The following ZNF184 variants were observed in gnomAD, a reference collection of about 807,000 sequenced individuals.
ZNF184 encodes zinc finger protein 184, also known as zinc finger protein 184 (Kruppel-like).
In ZNF184, 16 loss-of-function variants were observed where a neutral mutation model predicts 54.4. That is an observed-to-expected ratio of 0.29 (90% CI 0.20 to 0.45). The LOEUF is 0.45. Among genes scored for constraint, ZNF184 ranks in the 20% least tolerant of loss-of-function variants. ZNF184 has a pLI of 1.00. For synonymous variants in ZNF184, 254 were observed against 295.3 expected (o/e 0.86, Z 1.43); for missense variants, 681 against 888.2 (o/e 0.77, Z 2.97).
chr6:27,423,481 C>A, the ZNF184 span, among the ~76,000 whole-genome samples: 1 of 152,026 alleles, frequency 6.6e-6, no homozygotes, highest in African/African-American at 2.4e-5. Flanking sequence ...AAAGATGAGC[C>A]ACTAGATAAA....
In ZNF184 at chr6:27,451,798, C is replaced by A; in HGVS notation, c.1761G>T (p.Lys587Asn). 1 of 1,613,896 alleles carries A rather than the reference C, an allele frequency of 6.2e-7. No individual in the cohort carries two copies. Among genetic ancestry groups the A allele is most frequent in the African/African-American group, 1.3e-5 (1 of 75,032 alleles). ...TGAATGCTCTCCCACACTCATTACA[C>A]TTGTAAGGTCGTTCTCCAGTATGGA... is the stretch of plus-strand genomic sequence containing the variant. ...RKIHTGERPY[K>N]CNECGRAFNQ... The change falls in exon 6 of 6, where the codon AAG (lysine) becomes AAT (asparagine). Residue 587 changes from lysine (K) to asparagine (N), a missense_variant. Lys to Asn is a moderately conservative substitution (Grantham distance 94). Coordinates refer to ENST00000683788, the MANE Select transcript of ZNF184 (RefSeq NM_001318891.2).
At chr6:27,433,052 G>A in the ZNF184 span, among the ~76,000 whole-genome samples, 5 of 152,306 alleles carry the variant, frequency 3.3e-5, no homozygotes, top group South Asian at 1.0e-3. Flanking sequence ...GCCTATAGAT[G>A]ACTTCAACCC....
rs541347400 is a variant in ZNF184, at chr6:27,452,176, A to C, written c.1383T>G (p.Leu461=). Residue 461 remains leucine, a synonymous_variant, in exon 6 of 6, where the codon CTT becomes CTG. Coordinates refer to ENST00000683788, the MANE Select transcript of ZNF184 (RefSeq NM_001318891.2). This position sits in a 1 kb window ranked among gnomAD's most constrained non-coding sequence, Gnocchi z 5.5. ...CAGTATGAATTTTCAGGTGTTGAGCAAGGGATGACCAGTAACTAAAAGATT... is the reference window on the plus strand; with the variant it reads ...CAGTATGAATTTTCAGGTGTTGAGCCAGGGATGACCAGTAACTAAAAGATT... The part of the protein sequence containing the change: ...CGKSFSYWSS[L]AQHLKIHTGE... 1 of 1,614,006 alleles carries C rather than the reference A, an allele frequency of 6.2e-7. No homozygotes were observed. The highest frequency in any genetic ancestry group is 2.2e-5 in the East Asian group (1 of 44,886).
the ZNF184 span, among the ~76,000 whole-genome samples, chr6:27,442,880 A>AAAAGAAAGAAAAGAAAG: frequency 1.2e-5 from 1 of 86,174 alleles, no homozygotes; most frequent in Non-Finnish European, 2.5e-5. Context: ...GAAAGAAAGA[A>AAAAGAAAGAAAAGAAAG]AAAGAAAAAA....
the ZNF184 span, chr6:27,407,645 G>A: frequency 2.8e-4 from 175 of 616,132 alleles, 1 homozygote; most frequent in Middle Eastern, 8.9e-4. Context: ...GTGCCTGCAC[G>A]CCAAACTTGC....
chr6:27,466,215 GTAGA>G (rs1257236582), intron 3 of ZNF184, among the ~76,000 whole-genome samples: 18 of 152,000 alleles, frequency 1.2e-4, no homozygotes, highest in Admixed American at 3.9e-4. Flanking sequence ...GATAGAATAA[GTAGA>G]CAAAGAACAC....
the ZNF184 span, among the ~76,000 whole-genome samples, chr6:27,433,130 T>A: frequency 6.6e-6 from 1 of 152,196 alleles, no homozygotes; most frequent in Non-Finnish European, 1.5e-5. Flanking sequence ...ATGCCCTCTG[T>A]GCCCTGTCCA....
At chr6:27,449,932 G>C (rs1762680979), downstream of ZNF184, among the ~76,000 whole-genome samples, 1 of 152,108 alleles carries the variant, frequency 6.6e-6, no homozygotes, top group Non-Finnish European at 1.5e-5. Flanking sequence ...TCTTAAAATA[G>C]AGGTAAGGAG....
chr6:27,412,199 T>C, the ZNF184 span, among the ~76,000 whole-genome samples: 138 of 152,184 alleles, frequency 9.1e-4, no homozygotes, highest in Middle Eastern at 3.4e-3. Context: ...CTGGCCAGCA[T>C]CTCCTAGGAA....
At chr6:27,412,156 A>T in the ZNF184 span, among the ~76,000 whole-genome samples, 1 of 152,174 alleles carries the variant, frequency 6.6e-6, no homozygotes, top group Non-Finnish European at 1.5e-5. Context: ...AAATAAGATC[A>T]GCCAAGAGCA....
chr6:27,451,647 C>G lies in ZNF184; in HGVS notation c.1912G>C (p.Glu638Gln), dbSNP rs1762724785. The G allele has an allele frequency of 1.2e-6, 2 of 1,614,092 alleles. No individual in the cohort carries two copies. Among genetic ancestry groups the G allele is most frequent in the Admixed American group, 1.7e-5 (1 of 60,010 alleles). ...SLAQHQKTHT[E>Q]EKPYQCNKCE... ...TTATTACACTGGTAGGGTTTTTCTT[C>G]TGTGTGAGTTTTTTGATGTTGAGCA... The change falls in exon 6 of 6, where the codon GAA becomes CAA. Residue 638 changes from glutamate (E) to glutamine (Q), a missense_variant. Coordinates refer to ENST00000683788, the MANE Select transcript of ZNF184 (RefSeq NM_001318891.2).
intron 2 of ZNF184, among the ~76,000 whole-genome samples, chr6:27,470,336 G>C (rs1763243867): frequency 6.6e-6 from 1 of 152,100 alleles, no homozygotes; most frequent in African/African-American, 2.4e-5. Context: ...AGCTTAGGCA[G>C]GTGGGGGTGA....
chr6:27,453,314 T>C lies in ZNF184; in HGVS notation c.299-54A>G. 1 of 1,471,560 alleles carries C rather than the reference T, an allele frequency of 6.8e-7. No homozygotes were observed. The allele number at this position is 1,471,560 out of a possible 1,614,324, so 91.2% of individuals were successfully genotyped here. A position where few individuals can be genotyped will look rare whatever the true frequency, so the allele number is the denominator to read the frequency against. On this transcript the variant is annotated intron_variant, in intron 5 of 5. Transcript: ENST00000683788. The surrounding 1 kb of genome is among the most constrained non-coding windows in gnomAD (Gnocchi z 4.7). ...TCTGAATAGAGAAAAAATAAACTGCTATTGTGGGAATAATATAATGATACT... is the reference window on the plus strand; with the variant it reads ...TCTGAATAGAGAAAAAATAAACTGCCATTGTGGGAATAATATAATGATACT...
the ZNF184 span, among the ~76,000 whole-genome samples, chr6:27,437,938 A>G: frequency 2.0e-5 from 3 of 152,200 alleles, no homozygotes; most frequent in Non-Finnish European, 4.4e-5. Context: ...AGTTAGGTCA[A>G]ATCCACTTAC....
At chr6:27,418,494 T>A in the ZNF184 span, among the ~76,000 whole-genome samples, 38 of 152,354 alleles carry the variant, frequency 2.5e-4, no homozygotes, top group Non-Finnish European at 7.3e-5. Context: ...ACTTACAGTA[T>A]GTATTTGTGC....
At chr6:27,425,753 T>A in the ZNF184 span, among the ~76,000 whole-genome samples, 1 of 152,322 alleles carries the variant, frequency 6.6e-6, no homozygotes, top group South Asian at 2.1e-4. Context: ...CGCTGTCATC[T>A]TCTTACTACT....
the ZNF184 span, among the ~76,000 whole-genome samples, chr6:27,426,882 T>C: frequency 3.3e-5 from 5 of 152,312 alleles, no homozygotes; most frequent in East Asian, 9.7e-4. The surrounding 1 kb of genome is among the most constrained non-coding windows in gnomAD (Gnocchi z 4.2). Context: ...ACCAGTCAGA[T>C]AGGCAAAGAT....
chr6:27,423,792 A>T, the ZNF184 span, among the ~76,000 whole-genome samples: 1 of 152,234 alleles, frequency 6.6e-6, no homozygotes, highest in Non-Finnish European at 1.5e-5. Context: ...ATTTATACTT[A>T]ACAAAATGTT....
chr6:27,442,862 GAAAGAA>G, the ZNF184 span, among the ~76,000 whole-genome samples: 2 of 58,508 alleles, frequency 3.4e-5, 1 homozygote, highest in Admixed American at 3.5e-4. Context: ...AAGAAAGAAA[GAAAGAA>G]AGAAAGAAAG....
Sources: allele counts gnomAD v4.1 joint callset (sites outside exome capture counted in the v4.1 genomes callset), GRCh38; gene constraint gnomAD v4.1.1; non-coding constraint Gnocchi (gnomAD v3.1); transcripts MANE v1.5; gene names NCBI Gene and HGNC (gene_info 2026-07-23, HGNC 2026-07-21).